ADK: variants seen among roughly 807,000 people sequenced by gnomAD.
The protein encoded by ADK is N6,N6-dimethyladenosine kinase.
ADK carries 24 observed loss-of-function variants against 44.7 expected under a neutral mutation model. The ratio of observed to expected loss-of-function variants is 0.54; its 90% CI spans 0.39 to 0.76. The LOEUF is 0.76. Among genes scored for constraint, ADK ranks in the 30% least tolerant of loss-of-function variants. The pLI, the probability that ADK is intolerant of heterozygous loss-of-function variation, is 0.00. For synonymous variants in ADK, 128 were observed against 142.6 expected, an observed-to-expected ratio of 0.90 and a Z score of 0.73; for missense variants, 321 against 425.1, an observed-to-expected ratio of 0.76 and a Z score of 2.15.
chr10:74,405,190 A>C (rs1843872327), intron 6 of ADK, among the ~76,000 whole-genome samples: 1 of 152,018 alleles, frequency 6.6e-6, no homozygotes, highest in South Asian at 2.1e-4. Context: ...ATTTCTTACT[A>C]CTGGGGGAAG....
At chr10:74,442,310 G>A (rs1031461104) in intron 6 of ADK, among the ~76,000 whole-genome samples, 6 of 152,032 alleles carry the variant, frequency 3.9e-5, no homozygotes, top group African/African-American at 1.5e-4. Flanking sequence ...TTTAAAAACA[G>A]AACTACTATA....
chr10:74,638,176 T>C (rs868487729), intron 9 of ADK, among the ~76,000 whole-genome samples: 2 of 152,224 alleles, frequency 1.3e-5, no homozygotes, highest in African/African-American at 2.4e-5. Context: ...TATTAAGATA[T>C]AGATTTGTAA....
intron 2 of ADK, among the ~76,000 whole-genome samples, chr10:74,221,893 C>T (rs1212327232): frequency 7.9e-5 from 12 of 151,926 alleles, no homozygotes; most frequent in Non-Finnish European, 1.5e-4. Context: ...AAGACTTAAA[C>T]GTTAGACCTA....
At chr10:74,321,940 T>C (rs1296631792) in intron 4 of ADK, among the ~76,000 whole-genome samples, 1 of 152,234 alleles carries the variant, frequency 6.6e-6, no homozygotes, top group Non-Finnish European at 1.5e-5. Flanking sequence ...GAACTCAAAA[T>C]TGTAAAGCTG....
At chr10:74,413,521 C>T (rs1190726360) in intron 6 of ADK, among the ~76,000 whole-genome samples, 1 of 152,158 alleles carries the variant, frequency 6.6e-6, no homozygotes, top group Non-Finnish European at 1.5e-5. Context: ...GCACAGCATC[C>T]TCACCTCTCA....
At position 74,401,731 on chromosome 10, in the gene ADK, C is replaced by T. The variant is rs986680355; in HGVS notation, c.555+3152C>T. On this transcript the variant is annotated intron_variant, in intron 6 of 10. Coordinates refer to ENST00000539909, the MANE Select transcript of ADK (RefSeq NM_006721.4). ...TGTGTCTTTTAATTGGGGCGTTTAG[C>T]CCATTTACATTTAAGGTTAATATTG... 2.0e-5 allele frequency among the ~76,000 whole-genome samples: 3 copies of T among 152,114 alleles called. No individual in the cohort carries two copies. In the South Asian group the frequency reaches 6.2e-4, roughly 32 times the overall value.
chr10:74,320,471 A>G (rs185596848), intron 4 of ADK, among the ~76,000 whole-genome samples: 1 of 152,268 alleles, frequency 6.6e-6, no homozygotes, highest in Admixed American at 6.5e-5. Context: ...TTTAGAGCTT[A>G]TTAAATTCAT....
intron 3 of ADK, among the ~76,000 whole-genome samples, chr10:74,270,023 T>C (rs1392969423): frequency 2.0e-5 from 3 of 151,846 alleles, no homozygotes; most frequent in African/African-American, 4.8e-5. Context: ...TAAATAAAAG[T>C]GATAAGAATG....
At chr10:74,181,071 CCTAT>C (rs1481481807) in intron 1 of ADK, among the ~76,000 whole-genome samples, 3 of 152,244 alleles carry the variant, frequency 2.0e-5, no homozygotes, top group Non-Finnish European at 4.4e-5. Context: ...AACAAATTTA[CCTAT>C]CTAATTTTCT....
chr10:74,677,192 C>T (rs957226399), intron 10 of ADK, among the ~76,000 whole-genome samples: 2 of 152,208 alleles, frequency 1.3e-5, no homozygotes, highest in African/African-American at 4.8e-5. Flanking sequence ...CTGCAGTGAG[C>T]TGTGATTGCA....
At position 74,509,196 on chromosome 10, in the gene ADK, AT is replaced by A. The variant is rs11431842; in HGVS notation, c.556-16045del. Among the ~76,000 whole-genome samples the A allele has an allele frequency of 6.5e-3, 945 of 144,456 alleles. 3 individuals are homozygous for A. Among genetic ancestry groups the A allele is most frequent in the Middle Eastern group, 0.022 (6 of 274 alleles). The allele number at this position is 144,456 out of a possible 152,430, so 94.8% of individuals were successfully genotyped here. A position where few individuals can be genotyped will look rare whatever the true frequency, so the allele number is the denominator to read the frequency against. On this transcript the variant is annotated intron_variant, in intron 6 of 10. Transcript: ENST00000539909. ...GTACATATTCATGGAATACATTATG[AT>A]TTTTTTTTTTTTTTGAGACGGAGTC...
chr10:74,543,318 G>A (rs1469140359), intron 7 of ADK, among the ~76,000 whole-genome samples: 1 of 151,772 alleles, frequency 6.6e-6, no homozygotes. Context: ...ACCTCCCAAA[G>A]TGCTGGTATT....
chr10:74,536,185 G>A (rs56795112), intron 7 of ADK, among the ~76,000 whole-genome samples: 1 of 151,992 alleles, frequency 6.6e-6, no homozygotes, highest in East Asian at 1.9e-4. Flanking sequence ...CTTTTAACAT[G>A]TAAAATAATG....
At chr10:74,441,935 G>GT (rs1429835166) in intron 6 of ADK, among the ~76,000 whole-genome samples, 5 of 152,050 alleles carry the variant, frequency 3.3e-5, no homozygotes, top group African/African-American at 1.2e-4. Flanking sequence ...AAATGACCCA[G>GT]GTATATGAAA....
chr10:74,526,813 C>T (rs1268611449), intron 7 of ADK, among the ~76,000 whole-genome samples: 2 of 152,174 alleles, frequency 1.3e-5, no homozygotes, highest in Non-Finnish European at 2.9e-5. Context: ...CCTAATTTGA[C>T]TAAGATCTAC....
intron 1 of ADK, among the ~76,000 whole-genome samples, chr10:74,153,729 T>C (rs1447938331): frequency 6.6e-6 from 1 of 152,200 alleles, no homozygotes; most frequent in African/African-American, 2.4e-5. Flanking sequence ...TGGGAACTGC[T>C]CCCTAGATGA....
chr10:74,507,239 G>GT (rs1228908606), intron 6 of ADK, among the ~76,000 whole-genome samples: 4 of 152,182 alleles, frequency 2.6e-5, no homozygotes, highest in African/African-American at 9.7e-5. Flanking sequence ...ATTTGAGAGA[G>GT]TTGTTCAACT....
intron 7 of ADK, chr10:74,528,039 C>A (rs1849126229): frequency 3.3e-6 from 3 of 910,918 alleles, no homozygotes; most frequent in African/African-American, 1.6e-5. Context: ...GCAATAAAAC[C>A]CAGAGTAAAC....
At chr10:74,586,809 G>A (rs1239130938) in intron 7 of ADK, among the ~76,000 whole-genome samples, 6 of 149,420 alleles carry the variant, frequency 4.0e-5, no homozygotes, top group Non-Finnish European at 7.4e-5. Context: ...AGCTGAGATC[G>A]CACCACTGCA....
Sources: allele counts gnomAD v4.1 joint callset (sites outside exome capture counted in the v4.1 genomes callset), GRCh38; gene constraint gnomAD v4.1.1; transcripts MANE v1.5; gene names NCBI Gene and HGNC (gene_info 2026-07-23, HGNC 2026-07-21).